Variants in TICAM2 observed in about 807,000 individuals in gnomAD.
The protein encoded by TICAM2 is TIR domain containing adaptor molecule 2, also known as TIR domain-containing adapter molecule 2.
TICAM2 carries 8 observed loss-of-function variants against 7.3 expected under a neutral mutation model. The ratio of observed to expected loss-of-function variants is 1.10; its 90% CI spans 0.65 to 1.99. The LOEUF (loss-of-function observed/expected upper bound fraction) is 1.99, where lower values mean the gene tolerates loss of function less well. TICAM2 is among the 30% of genes most tolerant of loss of function. The probability of loss-of-function intolerance (pLI) is 0.00; values close to 1 mark genes in which losing one functional copy is unlikely to be tolerated. For missense variants in TICAM2, 304 were observed against 278.8 expected (o/e 1.09, Z -0.65); for synonymous variants, 113 against 99.6 (o/e 1.13, Z -0.80).
At chr5:115,601,322 A>G (rs2112528527) in intron 1 of TICAM2, among the ~76,000 whole-genome samples, 1 of 148,198 alleles carries the variant, frequency 6.7e-6, no homozygotes, top group Non-Finnish European at 1.5e-5. Context: ...TACCAAATTA[A>G]ACCTTCAGAG....
At chr5:115,595,203 GATCA>G (rs1001845145) in intron 1 of TICAM2, among the ~76,000 whole-genome samples, 10 of 152,214 alleles carry the variant, frequency 6.6e-5, no homozygotes, top group South Asian at 2.1e-4. Flanking sequence ...CAGACAGATG[GATCA>G]ATCAATCAAT....
intron 1 of TICAM2, among the ~76,000 whole-genome samples, chr5:115,600,924 A>G (rs1309939996): frequency 6.6e-6 from 1 of 152,236 alleles, no homozygotes; most frequent in Non-Finnish European, 1.5e-5. Context: ...TTAAATGAAT[A>G]CATTTTAAGA....
intron 1 of TICAM2, among the ~76,000 whole-genome samples, chr5:115,595,462 A>G (rs1755475324): frequency 6.6e-6 from 1 of 152,130 alleles, no homozygotes; most frequent in African/African-American, 2.4e-5. Flanking sequence ...GCTTTAGTTC[A>G]AGACCTATAT....
chr5:115,580,431 GTTTC>G lies in TICAM2; in HGVS notation c.*114_*117del. The G allele has an allele frequency of 7.9e-7, 1 of 1,271,314 alleles. No homozygotes were observed. Among genetic ancestry groups the G allele is most frequent in the Non-Finnish European group, 1.0e-6 (1 of 976,626 alleles). 78.8% of individuals were successfully genotyped at this position (1,271,314 alleles called of 1,614,324 possible). Reference sequence around the variant, plus strand: ...AATTTATCTTTCTTGTGCTCCATAGGTTTCTTTAAGGTGAAGACTCTCTTTTATT... The same window carrying G: ...AATTTATCTTTCTTGTGCTCCATAGGTTTAAGGTGAAGACTCTCTTTTATT... On this transcript the variant is annotated 3_prime_UTR_variant, in exon 2 of 2. Coordinates refer to ENST00000427199, the MANE Select transcript of TICAM2 (RefSeq NM_021649.7).
chr5:115,599,395 G>A (rs879636681), intron 1 of TICAM2, among the ~76,000 whole-genome samples: 13 of 152,044 alleles, frequency 8.6e-5, no homozygotes, highest in Non-Finnish European at 1.5e-4. Context: ...TGATGGTAAA[G>A]GGCAAATCTC....
At chr5:115,588,959 C>T (rs56733925) in intron 1 of TICAM2, among the ~76,000 whole-genome samples, 4,796 of 152,244 alleles carry the variant, frequency 0.032, 223 homozygotes, top group African/African-American at 0.11. Flanking sequence ...ACTTTCCCAA[C>T]GATACTGTAC....
At chr5:115,599,917 A>G (rs1242885033) in intron 1 of TICAM2, among the ~76,000 whole-genome samples, 2 of 151,864 alleles carry the variant, frequency 1.3e-5, no homozygotes, top group Non-Finnish European at 2.9e-5. Flanking sequence ...TTGAAGGGAA[A>G]TGAAAGTTCT....
intron 1 of TICAM2, among the ~76,000 whole-genome samples, chr5:115,588,560 T>G: frequency 6.6e-6 from 1 of 152,202 alleles, no homozygotes; most frequent in Admixed American, 6.5e-5. Context: ...CAAAGTGGTG[T>G]TCTGTAGATC....
At position 115,581,276 on chromosome 5, in the gene TICAM2, A is replaced by C; in HGVS notation, c.-20T>G. 1 of 1,602,800 alleles carries C rather than the reference A, an allele frequency of 6.2e-7. No individual in the cohort carries two copies. On this transcript the variant is annotated 5_prime_UTR_variant, in exon 2 of 2. Coordinates refer to ENST00000427199, the MANE Select transcript of TICAM2 (RefSeq NM_021649.7). ...ACCCATTATAAATATCCAAGGCAGA[A>C]GAGGAAAACTTTATGTATTTCTCAG...
intron 1 of TICAM2, among the ~76,000 whole-genome samples, chr5:115,589,132 G>A (rs1356557980): frequency 6.6e-6 from 1 of 152,192 alleles, no homozygotes; most frequent in Non-Finnish European, 1.5e-5. Flanking sequence ...CTTCATTGAT[G>A]TATTTGTCTG....
At chr5:115,598,388 T>C in intron 1 of TICAM2, among the ~76,000 whole-genome samples, 1 of 152,186 alleles carries the variant, frequency 6.6e-6, no homozygotes. Flanking sequence ...AAACAGGGCT[T>C]CTCCAACACT....
Position 115,580,492 on chromosome 5 carries a change from G to A in TICAM2, c.*57C>T. The A allele has an allele frequency of 4.0e-6, 6 of 1,482,890 alleles. No homozygotes were observed. The highest frequency in any genetic ancestry group is 1.4e-5 in the African/African-American group (1 of 70,172). The allele number at this position is 1,482,890 out of a possible 1,614,324, so 91.9% of individuals were successfully genotyped here. A position where few individuals can be genotyped will look rare whatever the true frequency, so the allele number is the denominator to read the frequency against. On this transcript the variant is annotated 3_prime_UTR_variant, in exon 2 of 2. Transcript: ENST00000427199. ...TTTCCTAGAAACTGCTTTCTCAAGT[G>A]AAGATTAATCATTTGGTTTACAAAA...
chr5:115,598,678 A>C (rs1755603090), intron 1 of TICAM2, among the ~76,000 whole-genome samples: 1 of 152,152 alleles, frequency 6.6e-6, no homozygotes, highest in Non-Finnish European at 1.5e-5. Context: ...CGATATTCCA[A>C]ATCTACTTAT....
chr5:115,592,035 G>A (rs567493576), intron 1 of TICAM2, among the ~76,000 whole-genome samples: 4 of 152,210 alleles, frequency 2.6e-5, no homozygotes, highest in Admixed American at 2.6e-4. Context: ...CTTAAAAACA[G>A]CAAGAGAAAA....
chr5:115,582,239 C>G (rs929814913), intron 1 of TICAM2, among the ~76,000 whole-genome samples: 3 of 151,748 alleles, frequency 2.0e-5, no homozygotes, highest in African/African-American at 7.3e-5. Context: ...TCACTGCAAT[C>G]TCTGCCTCTC....
At chr5:115,587,733 C>T (rs1191124271) in intron 1 of TICAM2, among the ~76,000 whole-genome samples, 1 of 152,164 alleles carries the variant, frequency 6.6e-6, no homozygotes, top group East Asian at 1.9e-4. Context: ...ACCTATGGAG[C>T]TTGGGTGCCC....
At chr5:115,589,053 T>C (rs1755212226) in intron 1 of TICAM2, among the ~76,000 whole-genome samples, 2 of 152,244 alleles carry the variant, frequency 1.3e-5, no homozygotes. Context: ...CTGTGATTGA[T>C]ACAACATCCA....
At chr5:115,601,554 A>G (rs1012594119) in intron 1 of TICAM2, among the ~76,000 whole-genome samples, 1 of 152,186 alleles carries the variant, frequency 6.6e-6, no homozygotes, top group Non-Finnish European at 1.5e-5. Context: ...TCAAAATTAA[A>G]AGGATAAATT....
At chr5:115,599,210 G>A (rs1028442295) in intron 1 of TICAM2, among the ~76,000 whole-genome samples, 1 of 151,974 alleles carries the variant, frequency 6.6e-6, no homozygotes, top group Non-Finnish European at 1.5e-5. Context: ...TAAACTACCT[G>A]CTGCTGGTAC....
Sources: gnomAD v4.1 joint callset for allele counts (sites outside exome capture counted in the v4.1 genomes callset) on GRCh38, gnomAD v4.1.1 for gene constraint, MANE v1.5 for transcripts, NCBI Gene and HGNC (gene_info 2026-07-23, HGNC 2026-07-21) for gene names.